CTNNA1: variants seen among roughly 807,000 people sequenced by gnomAD.
CTNNA1 encodes the protein catenin alpha-1.
A neutral mutation model predicts 98.4 loss-of-function variants in CTNNA1; 37 were observed. The observed-to-expected ratio is 0.38, with a 90% confidence interval of 0.29 to 0.49. The LOEUF is 0.49. Among genes scored for constraint, CTNNA1 ranks in the 20% least tolerant of loss-of-function variants. The probability of loss-of-function intolerance (pLI) is 0.95; values close to 1 mark genes in which losing one functional copy is unlikely to be tolerated. For missense variants in CTNNA1, 761 were observed against 1,147.2 expected (o/e 0.66, Z 4.86); for synonymous variants, 404 against 413.2 (o/e 0.98, Z 0.27).
chr5:138,813,729 C>T (rs1759096361), intron 5 of CTNNA1, among the ~76,000 whole-genome samples: 1 of 152,154 alleles, frequency 6.6e-6, no homozygotes, highest in Non-Finnish European at 1.5e-5. Flanking sequence ...GGTGATCCTC[C>T]CACCTCAGCC....
intron 7 of CTNNA1, among the ~76,000 whole-genome samples, chr5:138,837,533 C>CCCCCCCTTT (rs1262015042): frequency 1.7e-5 from 2 of 120,660 alleles, no homozygotes; most frequent in Non-Finnish European, 3.5e-5. Context: ...CCCTCTCCTC[C>CCCCCCCTTT]CCCCCCTTTC....
In CTNNA1 at chr5:138,812,169, T is replaced by G. The variant is rs200960267; in HGVS notation, c.469-14T>G. The G allele has an allele frequency of 6.2e-7, 1 of 1,608,490 alleles. No homozygotes were observed. The highest frequency in any genetic ancestry group is 2.2e-5 in the East Asian group (1 of 44,782). ...TCAGAATTTTTGGGTTTTGGGGTCT[T>G]TCTTATTTTATAGGTGGAAGATGGT... On this transcript the variant is annotated splice_polypyrimidine_tract_variant and intron_variant, in intron 4 of 17. Coordinates refer to ENST00000302763, the MANE Select transcript of CTNNA1 (RefSeq NM_001903.5).
intron 11 of CTNNA1, among the ~76,000 whole-genome samples, chr5:138,922,455 A>G (rs1157876440): frequency 6.6e-6 from 1 of 152,118 alleles, no homozygotes; most frequent in African/African-American, 2.4e-5. Context: ...CCATAATATA[A>G]TTCCTTTTAT....
intron 3 of CTNNA1, among the ~76,000 whole-genome samples, chr5:138,788,470 A>C (rs183829884): frequency 1.5e-4 from 23 of 152,330 alleles, no homozygotes; most frequent in Admixed American, 6.5e-4. Context: ...ACCCATTTAA[A>C]GTATACAATG....
chr5:138,925,582 C>A, intron 13 of CTNNA1, 175 bp downstream of exon 13: 1 of 999,554 alleles, frequency 1.0e-6, no homozygotes, highest in Non-Finnish European at 1.4e-6. Context: ...CTGTTAGTTG[C>A]AAGTTAGAGC....
intron 1 of CTNNA1, among the ~76,000 whole-genome samples, chr5:138,770,604 A>C (rs1009093968): frequency 6.6e-6 from 1 of 152,122 alleles, no homozygotes; most frequent in South Asian, 2.1e-4. Context: ...TCCTCCAGAT[A>C]CTCACTTGAT....
intron 3 of CTNNA1, among the ~76,000 whole-genome samples, chr5:138,796,810 G>A (rs1337151464): frequency 1.3e-5 from 2 of 152,162 alleles, no homozygotes; most frequent in East Asian, 3.8e-4. Flanking sequence ...CTGGTTTGCA[G>A]AAGCATATTC....
Position 138,812,310 on chromosome 5 carries a change from C to A in CTNNA1, c.588+8C>A. ...GCAGCCAAAAGACAACAGGTACAGT[C>A]ATGATTTGGGGATATATTAAAGTTG... On this transcript the variant is annotated splice_region_variant and intron_variant, in intron 5 of 17. Coordinates refer to ENST00000302763, the MANE Select transcript of CTNNA1 (RefSeq NM_001903.5). 1.2e-6 allele frequency: 2 copies of A among 1,608,266 alleles called. No homozygotes were observed. The highest frequency in any genetic ancestry group is 2.2e-5 in the South Asian group (2 of 89,390).
chr5:138,875,090 G>A (rs1245293818), intron 7 of CTNNA1: 1 of 565,142 alleles, frequency 1.8e-6, no homozygotes, highest in Non-Finnish European at 3.1e-6. Flanking sequence ...ATATCCCTCT[G>A]GAAAGCATTG....
At chr5:138,884,118 A>G (rs946536982) in intron 7 of CTNNA1, among the ~76,000 whole-genome samples, 5 of 152,246 alleles carry the variant, frequency 3.3e-5, no homozygotes, top group Non-Finnish European at 7.3e-5. Context: ...ATAGGTAGAC[A>G]TCAATCAACA....
intron 5 of CTNNA1, among the ~76,000 whole-genome samples, chr5:138,814,630 T>C (rs1759223672): frequency 6.6e-6 from 1 of 152,256 alleles, no homozygotes; most frequent in African/African-American, 2.4e-5. Flanking sequence ...CAAATAGTCC[T>C]ACTGGTTTAA....
intron 3 of CTNNA1, among the ~76,000 whole-genome samples, chr5:138,796,125 C>G (rs925755747): frequency 6.6e-6 from 1 of 152,068 alleles, no homozygotes; most frequent in African/African-American, 2.4e-5. Context: ...TATTTTATAC[C>G]AGCAAACTAA....
At chr5:138,791,487 C>T (rs1756356100) in intron 3 of CTNNA1, among the ~76,000 whole-genome samples, 3 of 151,594 alleles carry the variant, frequency 2.0e-5, no homozygotes, top group Admixed American at 1.3e-4. Flanking sequence ...CGTGGTGGCA[C>T]GTGCCTGTAG....
chr5:138,781,200 G>A (rs1442467379), intron 1 of CTNNA1, among the ~76,000 whole-genome samples: 1 of 152,194 alleles, frequency 6.6e-6, no homozygotes, highest in African/African-American at 2.4e-5. Flanking sequence ...TACCATGAAT[G>A]TTGTGGAGTA....
chr5:138,928,876 A>G lies in CTNNA1; in HGVS notation c.1900-370A>G, dbSNP rs2351464. Among the ~76,000 whole-genome samples the G allele has an allele frequency of 3.6e-3, 545 of 152,174 alleles. 3 individuals are homozygous for G. Among genetic ancestry groups the G allele is most frequent in the African/African-American group, 0.011 (465 of 41,526 alleles). On this transcript the variant is annotated intron_variant, in intron 13 of 17. Coordinates refer to ENST00000302763, the MANE Select transcript of CTNNA1 (RefSeq NM_001903.5). ...CTTGAACCCGGGAGGCGGAGGTTGC[A>G]TTGATTCCAAGATCACGCCACTGCA...
intron 7 of CTNNA1, among the ~76,000 whole-genome samples, chr5:138,841,274 T>A (rs1008525814): frequency 6.6e-6 from 1 of 152,168 alleles, no homozygotes; most frequent in South Asian, 2.1e-4. Context: ...TTTATTTATT[T>A]TTTGAGATGG....
intron 3 of CTNNA1, among the ~76,000 whole-genome samples, chr5:138,802,644 A>G (rs1434402939): frequency 6.6e-6 from 1 of 152,148 alleles, no homozygotes; most frequent in Non-Finnish European, 1.5e-5. Context: ...GGTCATTTTT[A>G]CAGTCCTGTG....
intron 5 of CTNNA1, among the ~76,000 whole-genome samples, chr5:138,820,921 A>G (rs1312601898): frequency 6.6e-6 from 1 of 152,232 alleles, no homozygotes. Context: ...CATCTAACAA[A>G]TGGTGGAGCC....
At chr5:138,860,013 C>CGTGTGTGTGTGTGTTTAAAGATT (rs1561603398) in intron 7 of CTNNA1, among the ~76,000 whole-genome samples, 2 of 151,576 alleles carry the variant, frequency 1.3e-5, no homozygotes, top group East Asian at 3.9e-4. Flanking sequence ...CGTGTGCATG[C>CGTGTGTGTGTGTGTTTAAAGATT]GTGTGTGTGT....
Sources: gnomAD v4.1 joint callset for allele counts (sites outside exome capture counted in the v4.1 genomes callset) on GRCh38, gnomAD v4.1.1 for gene constraint, MANE v1.5 for transcripts, NCBI Gene and HGNC (gene_info 2026-07-23, HGNC 2026-07-21) for gene names.